Variants in BANK1 observed in about 807,000 individuals in gnomAD.
BANK1 encodes B-cell scaffold protein with ankyrin repeats.
Under a neutral mutation model 94.5 loss-of-function variants are expected in BANK1, and 95 were observed. The ratio of observed to expected loss-of-function variants is 1.00; its 90% CI spans 0.85 to 1.19. The LOEUF (loss-of-function observed/expected upper bound fraction) is 1.19, where lower values mean the gene tolerates loss of function less well. Ranked by LOEUF, BANK1 falls within the 50% of genes most tolerant of loss-of-function variation. The probability of loss-of-function intolerance (pLI) is 0.00; values close to 1 mark genes in which losing one functional copy is unlikely to be tolerated. For synonymous variants in BANK1, 334 were observed against 308.4 expected (o/e 1.08, Z -0.87); for missense variants, 987 against 932.2 (o/e 1.06, Z -0.77).
chr4:101,943,495 G>T (rs1723820266), intron 7 of BANK1, among the ~76,000 whole-genome samples: 1 of 151,840 alleles, frequency 6.6e-6, no homozygotes, highest in Admixed American at 6.6e-5. Context: ...TGTGGGGATG[G>T]AAGGGACAGA....
At chr4:101,891,848 C>G (rs1721886138) in intron 5 of BANK1, among the ~76,000 whole-genome samples, 1 of 151,846 alleles carries the variant, frequency 6.6e-6, no homozygotes, top group African/African-American at 2.4e-5. Context: ...TTTGTATCTT[C>G]TATTTATTTG....
intron 8 of BANK1, 95 bp from the exon 9 acceptor site, chr4:102,025,106 T>C: frequency 3.8e-6 from 5 of 1,310,816 alleles, no homozygotes; most frequent in Non-Finnish European, 5.3e-6. Flanking sequence ...AAAAGTTTTA[T>C]TAGCAGTACT....
chr4:101,984,880 T>C (rs1488990074), intron 7 of BANK1, among the ~76,000 whole-genome samples: 1 of 152,060 alleles, frequency 6.6e-6, no homozygotes, highest in African/African-American at 2.4e-5. Context: ...CGACCTGAAG[T>C]GACAACTACT....
chr4:101,940,912 G>T (rs150448439), intron 7 of BANK1, among the ~76,000 whole-genome samples: 2 of 151,618 alleles, frequency 1.3e-5, no homozygotes, highest in Non-Finnish European at 2.9e-5. Context: ...TTGGAAGGAC[G>T]TCACTAAGCA....
intron 2 of BANK1, among the ~76,000 whole-genome samples, chr4:101,845,160 A>G (rs1257087453): frequency 6.6e-6 from 1 of 152,134 alleles, no homozygotes; most frequent in African/African-American, 2.4e-5. Context: ...CCGTTCCATG[A>G]TGTGATTATT....
At chr4:101,991,734 G>A (rs1044331224) in intron 7 of BANK1, among the ~76,000 whole-genome samples, 26 of 152,132 alleles carry the variant, frequency 1.7e-4, no homozygotes, top group African/African-American at 6.0e-4. Flanking sequence ...CAGTGGGGGT[G>A]GGGAAGAACC....
intron 7 of BANK1, among the ~76,000 whole-genome samples, chr4:101,975,341 G>C (rs1195472257): frequency 6.6e-6 from 1 of 152,160 alleles, no homozygotes; most frequent in East Asian, 1.9e-4. Flanking sequence ...AGTTAAAGAT[G>C]AGTTGTTCAT....
intron 2 of BANK1, among the ~76,000 whole-genome samples, chr4:101,840,829 C>A (rs750407640): frequency 3.3e-5 from 5 of 152,096 alleles, no homozygotes; most frequent in Non-Finnish European, 5.9e-5. Context: ...AGGTTAGGGT[C>A]TCCCCCACCG....
chr4:101,864,086 G>A (rs1727980875), intron 4 of BANK1, among the ~76,000 whole-genome samples: 1 of 152,128 alleles, frequency 6.6e-6, no homozygotes, highest in South Asian at 2.1e-4. Flanking sequence ...ACATACTATT[G>A]TCTTCATGAT....
chr4:102,024,941 A>G (rs1727029202), intron 8 of BANK1, among the ~76,000 whole-genome samples: 1 of 152,240 alleles, frequency 6.6e-6, no homozygotes, highest in Admixed American at 6.5e-5. Flanking sequence ...CTAAAGAATC[A>G]GAATATCGTT....
intron 1 of BANK1, among the ~76,000 whole-genome samples, chr4:101,825,099 T>C (rs1726313014): frequency 6.6e-6 from 1 of 152,180 alleles, no homozygotes; most frequent in African/African-American, 2.4e-5. Flanking sequence ...CACTTTATGA[T>C]GCAAGACTGA....
At chr4:102,026,888 T>A (rs1578464709) in intron 9 of BANK1, among the ~76,000 whole-genome samples, 2 of 151,826 alleles carry the variant, frequency 1.3e-5, no homozygotes, top group South Asian at 4.2e-4. Flanking sequence ...AAGACCCAAG[T>A]TTACCAACAT....
intron 7 of BANK1, among the ~76,000 whole-genome samples, chr4:101,953,122 A>G (rs1468995105): frequency 6.6e-6 from 1 of 152,166 alleles, no homozygotes; most frequent in African/African-American, 2.4e-5. Context: ...GATGATGGAA[A>G]TGAAATGAAA....
chr4:101,883,522 C>T (rs561838786), intron 5 of BANK1, among the ~76,000 whole-genome samples: 6 of 152,180 alleles, frequency 3.9e-5, no homozygotes, highest in Non-Finnish European at 8.8e-5. Flanking sequence ...TCTTATCACT[C>T]AGTGGCAATG....
chr4:101,882,070 G>A (rs1001529073), intron 5 of BANK1, among the ~76,000 whole-genome samples: 3 of 152,130 alleles, frequency 2.0e-5, no homozygotes, highest in Non-Finnish European at 4.4e-5. Context: ...AACTAAAAAA[G>A]TGTCATGGGA....
chr4:101,910,335 CA>C (rs1266690019), intron 6 of BANK1, among the ~76,000 whole-genome samples: 2 of 152,120 alleles, frequency 1.3e-5, no homozygotes, highest in African/African-American at 4.8e-5. Context: ...TGACATATAT[CA>C]AATTAAAGTC....
At position 101,882,156 on chromosome 4, in the gene BANK1, A is replaced by G. The variant is rs1728700505; in HGVS notation, c.903+11512A>G. ...ACACGATGTGATTATTACACGTTGTATGCCTGTATCAAAACATCTCATGTC... is the reference window on the plus strand; with the variant it reads ...ACACGATGTGATTATTACACGTTGTGTGCCTGTATCAAAACATCTCATGTC... On this transcript the variant is annotated intron_variant, in intron 5 of 16. Transcript: ENST00000322953. Among the ~76,000 whole-genome samples the G allele has an allele frequency of 2.0e-5, 3 of 152,286 alleles. No homozygotes were observed. In the South Asian group the frequency reaches 6.2e-4, roughly 32 times the overall value.
At chr4:101,986,203 C>CT (rs1182575204) in intron 7 of BANK1, among the ~76,000 whole-genome samples, 1 of 152,016 alleles carries the variant, frequency 6.6e-6, no homozygotes. Flanking sequence ...GCTATGGGAC[C>CT]TTTGAGACAG....
chr4:101,913,851 A>G (rs959102880), intron 6 of BANK1, among the ~76,000 whole-genome samples: 2 of 152,182 alleles, frequency 1.3e-5, no homozygotes, highest in African/African-American at 2.4e-5. Flanking sequence ...GAAAGCAATG[A>G]GTCCCTTCTG....
Sources: allele counts gnomAD v4.1 joint callset (sites outside exome capture counted in the v4.1 genomes callset), GRCh38; gene constraint gnomAD v4.1.1; transcripts MANE v1.5; gene names NCBI Gene and HGNC (gene_info 2026-07-23, HGNC 2026-07-21).